KLF2: variants seen among roughly 807,000 people sequenced by gnomAD.
KLF2 encodes Krueppel-like factor 2.
A neutral mutation model predicts 22.2 loss-of-function variants in KLF2; 9 were observed. The ratio of observed to expected loss-of-function variants is 0.40; its 90% CI spans 0.24 to 0.71. The LOEUF is 0.71. KLF2 is among the 30% of genes least tolerant of loss of function. The probability of loss-of-function intolerance (pLI) is 0.35; values close to 1 mark genes in which losing one functional copy is unlikely to be tolerated. For synonymous variants in KLF2, 299 were observed against 264.2 expected, an observed-to-expected ratio of 1.13 and a Z score of -1.28; for missense variants, 481 against 542.1, an observed-to-expected ratio of 0.89 and a Z score of 1.12.
In KLF2 at chr19:16,325,482, G is replaced by A; in HGVS notation, c.342G>A (p.Leu114=). 7.4e-7 allele frequency: 1 copy of A among 1,359,938 alleles called. No homozygotes were observed. Among genetic ancestry groups the A allele is most frequent in the Non-Finnish European group, 9.4e-7 (1 of 1,060,738 alleles). 84.2% of individuals were successfully genotyped at this position (1,359,938 alleles called of 1,614,324 possible). A position where few individuals can be genotyped will look rare whatever the true frequency, so the allele number is the denominator to read the frequency against. Residue 114 remains leucine, a synonymous_variant, in exon 2 of 3, where the codon CTG becomes CTA. Coordinates refer to ENST00000248071, the MANE Select transcript of KLF2 (RefSeq NM_016270.4). ...CCGCACTGCACGGCCGCTTTCTGCT[G>A]GCGCCGCCCGGCCGCCTGGTCAAGG... is the stretch of plus-strand genomic sequence containing the variant. ...LGPALHGRFL[L]APPGRLVKAE... is the part of the protein sequence containing the mutation.
Position 16,327,293 on chromosome 19 carries a change from T to TA in KLF2, c.*262_*263insA. The TA allele has an allele frequency of 1.3e-5, 5 of 383,086 alleles. No homozygotes were observed. The South Asian group carries it at 1.6e-4, about 12-fold the overall frequency. The allele number at this position is 383,086 out of a possible 1,614,324, so 23.7% of individuals were successfully genotyped here. On this transcript the variant is annotated 3_prime_UTR_variant, in exon 3 of 3. Coordinates refer to ENST00000248071, the MANE Select transcript of KLF2 (RefSeq NM_016270.4). The stretch of plus-strand genomic sequence containing the variant: ...AAATGGTGCAATAATTTAAGTGGCA[T>TA]CTTCTCTCCCACCGGGTCTACACTA...
Position 16,328,441 on chromosome 19 carries a change from C to T in KLF2, c.*1410C>T, listed in dbSNP as rs191241742. On this transcript the variant is annotated 3_prime_UTR_variant, in exon 3 of 3. Transcript: ENST00000248071. The stretch of plus-strand genomic sequence containing the variant: ...CCCATTCTCAGGGGCCCCGGGTAAC[C>T]ATGACCACCAACCATTGCACAAGTT... 5.3e-5 allele frequency among the ~76,000 whole-genome samples: 8 copies of T among 152,222 alleles called. No individual in the cohort carries two copies. The East Asian group carries it at 1.5e-3, about 29-fold the overall frequency.
Position 16,326,047 on chromosome 19 carries a change from C to T in KLF2, c.892+15C>T, listed in dbSNP as rs760844860. On this transcript the variant is annotated intron_variant, in intron 2 of 2. Transcript: ENST00000248071. Reference sequence around the variant, plus strand: ...CACGCACACAGGTGGGCGGCACGCACGAGCCAGGAGCGCAGGCGGGGGGAC... The same window carrying T: ...CACGCACACAGGTGGGCGGCACGCATGAGCCAGGAGCGCAGGCGGGGGGAC... The T allele has an allele frequency of 6.5e-7, 1 of 1,537,734 alleles. No individual in the cohort carries two copies. The highest frequency in any genetic ancestry group is 1.2e-5 in the South Asian group (1 of 83,838).
Position 16,325,352 on chromosome 19 carries a change from C to T in KLF2, c.212C>T (p.Pro71Leu). 6.8e-7 allele frequency: 1 copy of T among 1,466,522 alleles called. No individual in the cohort carries two copies. The highest frequency in any genetic ancestry group is 8.9e-7 in the Non-Finnish European group (1 of 1,117,886). The allele number at this position is 1,466,522 out of a possible 1,614,324, so 90.8% of individuals were successfully genotyped here. The change falls in exon 2 of 3, where the codon CCT becomes CTT. Residue 71 changes from proline to leucine, a missense_variant. Transcript: ENST00000248071. ...APEPPPPPPP[P>L]AFYYPEPGAP... ...GAGCCGCCGCCGCCGCCCCCGCCGC[C>T]TGCGTTCTATTACCCCGAACCCGGC...
rs1406644558 is a variant in KLF2, at chr19:16,325,437, G to A, written c.297G>A (p.Glu99=). The A allele has an allele frequency of 7.1e-7, 1 of 1,417,004 alleles. No individual in the cohort carries two copies. The highest frequency in any genetic ancestry group is 9.1e-7 in the Non-Finnish European group (1 of 1,094,532). The allele number at this position is 1,417,004 out of a possible 1,614,324, so 87.8% of individuals were successfully genotyped here. Residue 99 remains glutamate (E), a synonymous_variant, in exon 2 of 3, where the codon GAG becomes GAA. Coordinates refer to ENST00000248071, the MANE Select transcript of KLF2 (RefSeq NM_016270.4). ...GGLVSELLRP[E]LDAPLGPALH... is the part of the protein sequence containing the mutation. The stretch of plus-strand genomic sequence containing the variant: ...TGGTGTCTGAGCTGCTGCGACCCGA[G>A]CTGGATGCGCCGCTGGGGCCCGCAC...
chr19:16,325,125 C>A, intron 1 of KLF2, 91 bp from the exon 2 acceptor site: 1 of 1,312,262 alleles, frequency 7.6e-7, no homozygotes, highest in Non-Finnish European at 1.0e-6. Context: ...AGGATGCGGG[C>A]CACGGGGATC....
In KLF2 at chr19:16,325,659, A is replaced by T. The variant is rs2091887223; in HGVS notation, c.519A>T (p.Thr173=). ...PGGRPPPPPD[T]PPLSPDGPAR... is the part of the protein sequence containing the mutation. ...GCCGCCCCCCGCCGCCGCCCGACAC[A>T]CCGCCGCTCAGCCCCGACGGCCCCG... Residue 173 remains threonine (T), a synonymous_variant, in exon 2 of 3, where the codon ACA becomes ACT. Transcript: ENST00000248071. 1 of 1,074,434 alleles carries T rather than the reference A, an allele frequency of 9.3e-7. No individual in the cohort carries two copies. The highest frequency in any genetic ancestry group is 1.1e-6 in the Non-Finnish European group (1 of 892,642). 66.6% of individuals were successfully genotyped at this position (1,074,434 alleles called of 1,614,324 possible).
chr19:16,327,142 C>A lies in KLF2; in HGVS notation c.*111C>A. On this transcript the variant is annotated 3_prime_UTR_variant, in exon 3 of 3. Transcript: ENST00000248071. ...ATTGGACCCAGAGAACCGGGCCGGG[C>A]ACAGCGTGGCTACAGAGGGTCTCCC... 9.3e-7 allele frequency: 1 copy of A among 1,071,546 alleles called. No individual in the cohort carries two copies. The highest frequency in any genetic ancestry group is 1.3e-6 in the Non-Finnish European group (1 of 772,594). 66.4% of individuals were successfully genotyped at this position (1,071,546 alleles called of 1,614,324 possible). A position where few individuals can be genotyped will look rare whatever the true frequency, so the allele number is the denominator to read the frequency against.
chr19:16,325,525 G>C lies in KLF2; in HGVS notation c.385G>C (p.Asp129His). 7.8e-7 allele frequency: 1 copy of C among 1,274,718 alleles called. No homozygotes were observed. Among genetic ancestry groups the C allele is most frequent in the Non-Finnish European group, 9.9e-7 (1 of 1,013,966 alleles). 79.0% of individuals were successfully genotyped at this position (1,274,718 alleles called of 1,614,324 possible). A position where few individuals can be genotyped will look rare whatever the true frequency, so the allele number is the denominator to read the frequency against. ...GGTCAAGGCCGAGCCCCCTGAAGCG[G>C]ACGGCGGCGGCGGCTACGGCTGCGC... ...RLVKAEPPEA[D>H]GGGGYGCAPG... The change falls in exon 2 of 3, where the codon GAC becomes CAC. Residue 129 changes from aspartate to histidine, a missense_variant. Physicochemically the swap from Asp to His is moderately conservative, Grantham distance 81. This residue lies in a region of KLF2 where 421 missense variants were observed against 435.1 expected (regional missense o/e 0.97). Coordinates refer to ENST00000248071, the MANE Select transcript of KLF2 (RefSeq NM_016270.4).
rs1599496934 is a variant in KLF2 at position 16,325,314 on chromosome 19, C to G, written c.174C>G (p.Ala58=). Reference sequence around the variant, plus strand: ...CCATGGGGCTGGATGGCCTGGGCGCCGAGGCCGCCCCGGAGCCGCCGCCGC... The same window carrying G: ...CCATGGGGCTGGATGGCCTGGGCGCGGAGGCCGCCCCGGAGCCGCCGCCGC... ...ILSMGLDGLG[A]EAAPEPPPPP... is the part of the protein sequence containing the mutation. The change falls in exon 2 of 3, where the codon GCC becomes GCG. Residue 58 remains alanine (A), a synonymous_variant. Coordinates refer to ENST00000248071, the MANE Select transcript of KLF2 (RefSeq NM_016270.4). The G allele has an allele frequency of 6.7e-7, 1 of 1,491,156 alleles. No homozygotes were observed. Among genetic ancestry groups the G allele is most frequent in the Non-Finnish European group, 8.9e-7 (1 of 1,126,968 alleles). 92.4% of individuals were successfully genotyped at this position (1,491,156 alleles called of 1,614,324 possible). A position where few individuals can be genotyped will look rare whatever the true frequency, so the allele number is the denominator to read the frequency against.
chr19:16,324,978 C>G lies in KLF2; in HGVS notation c.55C>G (p.Arg19Gly). ...CTTCTCCACTTTCGCCAGCCCGTGC[C>G]GCGAGCGCGGCCTGCAGGAGGTGAG... ...PSFSTFASPC[R>G]ERGLQERWPR... Residue 19 changes from arginine (R) to glycine (G), a missense_variant, in exon 1 of 3, where the codon CGC becomes GGC. By Grantham distance (125) the Arg-to-Gly change is moderately radical. Around this residue, in one of 2 missense-constraint regions of KLF2, gnomAD observed 421 missense variants for 435.1 expected, o/e 0.97. Transcript: ENST00000248071. 1.9e-6 allele frequency: 3 copies of G among 1,601,136 alleles called. No homozygotes were observed. Among genetic ancestry groups the G allele is most frequent in the Non-Finnish European group, 1.7e-6 (2 of 1,175,060 alleles).
In KLF2 at chr19:16,325,329, G is replaced by A; in HGVS notation, c.189G>A (p.Glu63=). ...LDGLGAEAAP[E]PPPPPPPPAF... ...GCCTGGGCGCCGAGGCCGCCCCGGA[G>A]CCGCCGCCGCCGCCCCCGCCGCCTG... Residue 63 remains glutamate (E), a synonymous_variant, in exon 2 of 3, where the codon GAG becomes GAA. Coordinates refer to ENST00000248071, the MANE Select transcript of KLF2 (RefSeq NM_016270.4). 6.8e-7 allele frequency: 1 copy of A among 1,463,064 alleles called. No individual in the cohort carries two copies. Among genetic ancestry groups the A allele is most frequent in the East Asian group, 2.9e-5 (1 of 34,132 alleles). 90.6% of individuals were successfully genotyped at this position (1,463,064 alleles called of 1,614,324 possible).
At position 16,325,359 on chromosome 19, in the gene KLF2, C is replaced by G. The variant is rs1199206321; in HGVS notation, c.219C>G (p.Phe73Leu). ...EPPPPPPPPAFYYPEPGAPPP... is the reference protein window; with the variant it reads ...EPPPPPPPPALYYPEPGAPPP... ...CGCCGCCGCCCCCGCCGCCTGCGTT[C>G]TATTACCCCGAACCCGGCGCGCCCC... Residue 73 changes from phenylalanine (F) to leucine (L), a missense_variant, in exon 2 of 3, where the codon TTC becomes TTG. Transcript: ENST00000248071. 6.9e-7 allele frequency: 1 copy of G among 1,455,154 alleles called. No homozygotes were observed. Among genetic ancestry groups the G allele is most frequent in the Admixed American group, 2.9e-5 (1 of 34,796 alleles). The allele number at this position is 1,455,154 out of a possible 1,614,324, so 90.1% of individuals were successfully genotyped here.
Position 16,324,940 on chromosome 19 carries a change from C to T in KLF2, c.17C>T (p.Pro6Leu). The T allele has an allele frequency of 1.2e-6, 2 of 1,602,336 alleles. No individual in the cohort carries two copies. Among genetic ancestry groups the T allele is most frequent in the Non-Finnish European group, 1.7e-6 (2 of 1,175,382 alleles). The change falls in exon 1 of 3, where the codon CCC (proline) becomes CTC (leucine). Residue 6 changes from proline (P) to leucine (L), a missense_variant. This residue lies in a region of KLF2 where 421 missense variants were observed against 435.1 expected (regional missense o/e 0.97). Transcript: ENST00000248071. The stretch of plus-strand genomic sequence containing the variant: ...GTCCCGGCCATGGCGCTGAGTGAAC[C>T]CATCCTGCCGTCCTTCTCCACTTTC... MALSE[P>L]ILPSFSTFAS... is the part of the protein sequence containing the mutation.
rs1481742183 is a variant in KLF2 at position 16,325,367 on chromosome 19, C to A, written c.227C>A (p.Pro76His). 2.1e-6 allele frequency: 3 copies of A among 1,437,356 alleles called. No individual in the cohort carries two copies. The highest frequency in any genetic ancestry group is 2.7e-6 in the Non-Finnish European group (3 of 1,106,594). 89.0% of individuals were successfully genotyped at this position (1,437,356 alleles called of 1,614,324 possible). The change falls in exon 2 of 3, where the codon CCC becomes CAC. Residue 76 changes from proline to histidine, a missense_variant. Around this residue, in one of 2 missense-constraint regions of KLF2, gnomAD observed 421 missense variants for 435.1 expected, o/e 0.97. Transcript: ENST00000248071. ...PPPPPPAFYY[P>H]EPGAPPPYSA... is the part of the protein sequence containing the mutation. ...CCCCCGCCGCCTGCGTTCTATTACC[C>A]CGAACCCGGCGCGCCCCCGCCCTAC...
intron 1 of KLF2, 37 bp from the exon 2 acceptor site, chr19:16,325,179 C>T (rs2145195859): frequency 6.9e-7 from 1 of 1,446,260 alleles, no homozygotes; most frequent in Non-Finnish European, 9.1e-7. Flanking sequence ...CCCCGAGCCC[C>T]GCCGCCCGCT....
intron 2 of KLF2, 97 bp from the exon 3 acceptor site, chr19:16,326,759 A>T: frequency 8.0e-7 from 1 of 1,248,160 alleles, no homozygotes; most frequent in South Asian, 1.3e-5. Flanking sequence ...GGAGCGCGTC[A>T]AGGCCCTGGT....
At position 16,325,815 on chromosome 19, in the gene KLF2, G is replaced by GGCC; in HGVS notation, c.684_686dup (p.Ala231dup). The GGCC allele has an allele frequency of 7.4e-7, 1 of 1,350,864 alleles. No individual in the cohort carries two copies. Among genetic ancestry groups the GGCC allele is most frequent in the South Asian group, 1.8e-5 (1 of 54,960 alleles). 83.7% of individuals were successfully genotyped at this position (1,350,864 alleles called of 1,614,324 possible). ...CAGCCTTCGGTCTCTTCGACGACGC[G>GGCC]GCCGCCGCCGCGGCAGCCCTGGGCC... On this transcript the variant is annotated inframe_insertion, in exon 2 of 3. Transcript: ENST00000248071.
In KLF2 at chr19:16,327,082, G is replaced by A. The variant is rs1484097480; in HGVS notation, c.*51G>A. 12 of 1,467,138 alleles carry A rather than the reference G, an allele frequency of 8.2e-6. No individual in the cohort carries two copies. The highest frequency in any genetic ancestry group is 2.3e-4 in the Middle Eastern group (1 of 4,350). The allele number at this position is 1,467,138 out of a possible 1,614,324, so 90.9% of individuals were successfully genotyped here. On this transcript the variant is annotated 3_prime_UTR_variant, in exon 3 of 3. Coordinates refer to ENST00000248071, the MANE Select transcript of KLF2 (RefSeq NM_016270.4). ...GCGGCCGTGGCGGGTCCCACGCGCC[G>A]GGCGCGGCCCCCTCCCAAACTGTGA...
Sources: allele counts gnomAD v4.1 joint callset (sites outside exome capture counted in the v4.1 genomes callset), GRCh38; gene constraint gnomAD v4.1.1; regional missense constraint gnomAD v4.1.1; transcripts MANE v1.5; gene names NCBI Gene and HGNC (gene_info 2026-07-23, HGNC 2026-07-21).